Variants in ENOX1 observed in about 807,000 individuals in gnomAD.
ENOX1 encodes the protein ecto-NOX disulfide-thiol exchanger 1, also known as candidate growth-related and time keeping constitutive hydroquinone (NADH) oxidase.
Under a neutral mutation model 82.5 loss-of-function variants are expected in ENOX1, and 42 were observed. That is an observed-to-expected ratio of 0.51 (90% confidence interval 0.40 to 0.66). The LOEUF is 0.66. ENOX1 is among the 30% of genes least tolerant of loss of function. The pLI is 0.00. For synonymous variants in ENOX1, 271 were observed against 282.2 expected (o/e 0.96, Z 0.40); for missense variants, 608 against 811.6 (o/e 0.75, Z 3.05).
intron 2 of ENOX1, among the ~76,000 whole-genome samples, chr13:43,526,349 A>AAAG (rs2077990847): frequency 6.6e-6 from 1 of 152,136 alleles, no homozygotes; most frequent in Admixed American, 6.6e-5. Context: ...CTTCCACTTA[A>AAAG]AAGCCTTTGT....
chr13:43,462,705 C>A (rs905641550), intron 3 of ENOX1, among the ~76,000 whole-genome samples: 3 of 152,200 alleles, frequency 2.0e-5, no homozygotes, highest in African/African-American at 7.2e-5. Flanking sequence ...ATGTGCCTAG[C>A]ATTTTCCCAT....
intron 1 of ENOX1, among the ~76,000 whole-genome samples, chr13:43,780,248 T>C (rs1952188183): frequency 6.6e-6 from 1 of 151,814 alleles, no homozygotes; most frequent in Non-Finnish European, 1.5e-5. Context: ...CAAATGTTTA[T>C]TAAAGAAATA....
chr13:43,556,982 A>C (rs1344875681), intron 2 of ENOX1, among the ~76,000 whole-genome samples: 1 of 152,248 alleles, frequency 6.6e-6, no homozygotes, highest in African/African-American at 2.4e-5. Flanking sequence ...AGAAAAGGAC[A>C]CATGCTTCAA....
intron 2 of ENOX1, among the ~76,000 whole-genome samples, chr13:43,654,220 GAGA>G (rs1232059419): frequency 6.6e-6 from 1 of 152,120 alleles, no homozygotes; most frequent in Non-Finnish European, 1.5e-5. Context: ...GAGTTTCCAA[GAGA>G]AGGAGCTCTC....
At chr13:43,671,769 C>G (rs2085279825) in intron 1 of ENOX1, among the ~76,000 whole-genome samples, 1 of 152,056 alleles carries the variant, frequency 6.6e-6, no homozygotes, top group Admixed American at 6.5e-5. Flanking sequence ...GGATAGAGCT[C>G]AAGGATCCCT....
chr13:43,735,150 AT>A lies in ENOX1; in HGVS notation c.-285+51501del, dbSNP rs1453011495. Among the ~76,000 whole-genome samples, 4 of 152,332 alleles carry A rather than the reference AT, an allele frequency of 2.6e-5. No homozygotes were observed. In the East Asian group the frequency reaches 5.8e-4, roughly 22 times the overall value. ...TTTTAAAGTGGAAAATGAGGAACAT[AT>A]TACCATGTTATAAAATCCCCAAATA... On this transcript the variant is annotated intron_variant, in intron 1 of 16. Transcript: ENST00000690772.
intron 2 of ENOX1, among the ~76,000 whole-genome samples, chr13:43,572,496 G>C (rs1360467676): frequency 2.0e-5 from 3 of 152,162 alleles, no homozygotes; most frequent in South Asian, 4.1e-4. Flanking sequence ...TGATGATCCA[G>C]GGGAGTCATG....
chr13:43,664,530 G>A lies in ENOX1; in HGVS notation c.-219+2949C>T, dbSNP rs567194471. ...TTACTAGAATATAATTGCTCACCAGGCCCTACCTGCAGCCAGCAAGGGCTG... is the reference window on the plus strand; with the variant it reads ...TTACTAGAATATAATTGCTCACCAGACCCTACCTGCAGCCAGCAAGGGCTG... On this transcript the variant is annotated intron_variant, in intron 2 of 16. Transcript: ENST00000690772. Among the ~76,000 whole-genome samples, 30 of 152,298 alleles carry A rather than the reference G, an allele frequency of 2.0e-4. No homozygotes were observed. The East Asian group carries it at 5.0e-3, about 25-fold the overall frequency.
intron 12 of ENOX1, among the ~76,000 whole-genome samples, chr13:43,274,899 C>T (rs984663004): frequency 6.6e-6 from 1 of 152,152 alleles, no homozygotes; most frequent in African/African-American, 2.4e-5. Context: ...CTGACAAATT[C>T]AAAGAGCATT....
intron 3 of ENOX1, among the ~76,000 whole-genome samples, chr13:43,475,202 TG>T (rs1293289041): frequency 1.3e-5 from 2 of 152,166 alleles, no homozygotes; most frequent in African/African-American, 4.8e-5. Context: ...AATCTCATAC[TG>T]GGGATATCAG....
intron 5 of ENOX1, among the ~76,000 whole-genome samples, chr13:43,395,360 A>C (rs1013438210): frequency 1.3e-5 from 2 of 152,200 alleles, no homozygotes; most frequent in Admixed American, 1.3e-4. Context: ...TACTAAAAAT[A>C]TAAAAATTAG....
chr13:43,398,966 T>A (rs149213630), intron 5 of ENOX1, among the ~76,000 whole-genome samples: 194 of 151,668 alleles, frequency 1.3e-3, no homozygotes, highest in Middle Eastern at 6.8e-3. Context: ...CCCACTAATT[T>A]TTTTTTTCAG....
At chr13:43,674,569 G>A (rs2085417158) in intron 1 of ENOX1, among the ~76,000 whole-genome samples, 1 of 152,140 alleles carries the variant, frequency 6.6e-6, no homozygotes, top group African/African-American at 2.4e-5. Context: ...ATGGCTGCCA[G>A]GGGTTGTGGG....
intron 1 of ENOX1, among the ~76,000 whole-genome samples, chr13:43,772,034 T>A (rs1175253971): frequency 6.7e-6 from 1 of 148,946 alleles, no homozygotes; most frequent in East Asian, 2.0e-4. Context: ...TCCGCCCGCC[T>A]GGGCCTCCCA....
intron 3 of ENOX1, among the ~76,000 whole-genome samples, chr13:43,451,871 G>A (rs2056986207): frequency 1.3e-5 from 2 of 152,160 alleles, no homozygotes; most frequent in South Asian, 4.1e-4. Flanking sequence ...TTATATTCCA[G>A]TATGAAGATA....
intron 2 of ENOX1, among the ~76,000 whole-genome samples, chr13:43,593,244 C>A (rs918197818): frequency 9.2e-5 from 14 of 152,190 alleles, no homozygotes; most frequent in Middle Eastern, 3.4e-3. Flanking sequence ...TGATTTTGCC[C>A]AAAATGCATC....
chr13:43,748,996 A>G (rs11843330), intron 1 of ENOX1, among the ~76,000 whole-genome samples: 1,677 of 152,308 alleles, frequency 0.011, 26 homozygotes, highest in African/African-American at 0.037. Flanking sequence ...GATCTGTAAA[A>G]TAGGGAAAAT....
At chr13:43,250,927 A>C (rs936344563) in intron 14 of ENOX1, among the ~76,000 whole-genome samples, 7 of 152,204 alleles carry the variant, frequency 4.6e-5, no homozygotes, top group Non-Finnish European at 1.0e-4. Flanking sequence ...CCTGGGGTGG[A>C]GAGTTTGTGG....
chr13:43,778,613 C>T (rs1952063615), intron 1 of ENOX1, among the ~76,000 whole-genome samples: 1 of 152,228 alleles, frequency 6.6e-6, no homozygotes. Flanking sequence ...ACAGATCTCT[C>T]TTCAGCTCTC....
Sources: allele counts gnomAD v4.1 joint callset (sites outside exome capture counted in the v4.1 genomes callset), GRCh38; gene constraint gnomAD v4.1.1; transcripts MANE v1.5; gene names NCBI Gene and HGNC (gene_info 2026-07-23, HGNC 2026-07-21).